Variants in MOGAT1 observed in about 807,000 individuals in gnomAD.
MOGAT1 encodes monoacylglycerol O-acyltransferase 1.
MOGAT1 carries 32 observed loss-of-function variants against 31.4 expected under a neutral mutation model. The ratio of observed to expected loss-of-function variants is 1.02; its 90% CI spans 0.77 to 1.37. MOGAT1 has a LOEUF of 1.37. Among genes scored for constraint, MOGAT1 ranks in the 40% most tolerant of loss-of-function variants. MOGAT1 has a pLI of 0.00. For synonymous variants in MOGAT1, 145 were observed against 144.5 expected (o/e 1.00, Z -0.03); for missense variants, 426 against 402.0 (o/e 1.06, Z -0.51).
At chr2:222,683,978 C>G (rs1010106120) in intron 1 of MOGAT1, among the ~76,000 whole-genome samples, 2 of 152,216 alleles carry the variant, frequency 1.3e-5, no homozygotes, top group Non-Finnish European at 2.9e-5. Context: ...TTGTATCTTC[C>G]TCTTCTCTTT....
At chr2:222,703,786 T>A (rs1222356767) in intron 5 of MOGAT1, among the ~76,000 whole-genome samples, 1 of 152,096 alleles carries the variant, frequency 6.6e-6, no homozygotes, top group African/African-American at 2.4e-5. Context: ...ATTAGAACAA[T>A]CAACTCTACA....
intron 5 of MOGAT1, among the ~76,000 whole-genome samples, chr2:222,704,680 A>C (rs1411719529): frequency 6.6e-6 from 1 of 152,150 alleles, no homozygotes; most frequent in East Asian, 1.9e-4. Context: ...GAACAATTCC[A>C]AGTAGATCTT....
Position 222,694,514 on chromosome 2 carries a change from G to T in MOGAT1, c.631G>T (p.Val211Phe). The T allele has an allele frequency of 6.2e-7, 1 of 1,613,696 alleles. No individual in the cohort carries two copies. The highest frequency in any genetic ancestry group is 8.5e-7 in the Non-Finnish European group (1 of 1,179,750). ...TLFIRQRKGFVKIALTHGASL... is the reference protein window; with the variant it reads ...TLFIRQRKGFFKIALTHGASL... ...GTTCATCCGCCAGCGGAAAGGATTT[G>T]TTAAAATTGCTTTGACCCATGGGTA... Residue 211 changes from valine to phenylalanine, a missense_variant, in exon 4 of 6, where the codon GTT (valine) becomes TTT (phenylalanine). Physicochemically the swap from Val to Phe is conservative, Grantham distance 50. Transcript: ENST00000446656.
intron 1 of MOGAT1, among the ~76,000 whole-genome samples, chr2:222,672,300 T>G (rs1413215465): frequency 6.6e-6 from 1 of 152,192 alleles, no homozygotes; most frequent in African/African-American, 2.4e-5. Context: ...AGTTAAAACC[T>G]TGTTCCTTCT....
At chr2:222,678,913 C>T (rs12477010) in intron 1 of MOGAT1, among the ~76,000 whole-genome samples, 5,897 of 152,070 alleles carry the variant, frequency 0.039, 182 homozygotes, top group African/African-American at 0.08. Flanking sequence ...TGCACTCCAG[C>T]ACCTGGGTGA....
At chr2:222,672,290 A>G (rs1463463803) in intron 1 of MOGAT1, among the ~76,000 whole-genome samples, 1 of 152,156 alleles carries the variant, frequency 6.6e-6, no homozygotes, top group Non-Finnish European at 1.5e-5. Context: ...ATGCCTCAGT[A>G]GTTAAAACCT....
chr2:222,686,875 G>A (rs1216354771), intron 1 of MOGAT1, among the ~76,000 whole-genome samples: 2 of 152,138 alleles, frequency 1.3e-5, no homozygotes, highest in African/African-American at 4.8e-5. Context: ...CACTTTGGGA[G>A]GCTGAGGCGG....
intron 1 of MOGAT1, among the ~76,000 whole-genome samples, chr2:222,687,988 C>T (rs1383625304): frequency 1.3e-5 from 2 of 152,182 alleles, no homozygotes; most frequent in African/African-American, 4.8e-5. Context: ...CTTAACCCTT[C>T]GATAAGCTTC....
In MOGAT1 at chr2:222,681,044, A is replaced by G. The variant is rs1325762614; in HGVS notation, c.95-7300A>G. ...ATGGGAATTGTCTGTGTAAGCACTT[A>G]AGCGCTTTCAAGAAGCCACAGACCT... On this transcript the variant is annotated intron_variant, in intron 1 of 5. Transcript: ENST00000446656. Among the ~76,000 whole-genome samples, 7 of 152,326 alleles carry G rather than the reference A, an allele frequency of 4.6e-5. No individual in the cohort carries two copies. In the East Asian group the frequency reaches 1.3e-3, roughly 29 times the overall value.
chr2:222,702,629 A>G (rs1006619217), intron 5 of MOGAT1, among the ~76,000 whole-genome samples: 1 of 152,058 alleles, frequency 6.6e-6, no homozygotes, highest in Non-Finnish European at 1.5e-5. Flanking sequence ...TTTTTTCAAT[A>G]AAAAAGATAG....
chr2:222,705,054 T>A (rs1692985966), intron 5 of MOGAT1, among the ~76,000 whole-genome samples: 1 of 152,216 alleles, frequency 6.6e-6, no homozygotes, highest in African/African-American at 2.4e-5. Context: ...TTTTTTTGGT[T>A]ATTTCTTGAT....
chr2:222,671,989 C>T (rs1013496369), intron 1 of MOGAT1, 110 bp downstream of exon 1: 85 of 881,006 alleles, frequency 9.6e-5, no homozygotes, highest in Non-Finnish European at 1.4e-4. Flanking sequence ...CCCCTGTCGG[C>T]CAGAGCAGGC....
intron 1 of MOGAT1, among the ~76,000 whole-genome samples, chr2:222,686,742 C>G (rs1444970911): frequency 6.6e-6 from 1 of 152,166 alleles, no homozygotes; most frequent in Non-Finnish European, 1.5e-5. Context: ...TTAACCAACT[C>G]TGGAGAGAGC....
intron 1 of MOGAT1, among the ~76,000 whole-genome samples, chr2:222,677,430 G>A (rs940674480): frequency 2.0e-5 from 3 of 152,026 alleles, no homozygotes; most frequent in Admixed American, 6.6e-5. Flanking sequence ...AAGCTACCAC[G>A]CCTGGCATAT....
chr2:222,684,098 C>T (rs1692625725), intron 1 of MOGAT1, among the ~76,000 whole-genome samples: 1 of 151,974 alleles, frequency 6.6e-6, no homozygotes, highest in South Asian at 2.1e-4. Context: ...TGTTTCAATC[C>T]CGTTTAGAAT....
chr2:222,703,538 G>A (rs1469935652), intron 5 of MOGAT1, among the ~76,000 whole-genome samples: 1 of 152,124 alleles, frequency 6.6e-6, no homozygotes, highest in Non-Finnish European at 1.5e-5. Flanking sequence ...CTCAATGAAT[G>A]TTCATGAGTG....
intron 1 of MOGAT1, among the ~76,000 whole-genome samples, 173 bp downstream of exon 1, chr2:222,672,052 C>G (rs531143325): frequency 6.6e-6 from 1 of 152,352 alleles, no homozygotes; most frequent in Admixed American, 6.5e-5. Context: ...CTCACGAGAA[C>G]CTCATCGCTA....
At chr2:222,708,671 TTCTC>T (rs367788912) in intron 5 of MOGAT1, among the ~76,000 whole-genome samples, 9 of 152,054 alleles carry the variant, frequency 5.9e-5, no homozygotes, top group Admixed American at 4.6e-4. Flanking sequence ...ACTTTTATGT[TTCTC>T]TCTCTTTCCG....
intron 1 of MOGAT1, among the ~76,000 whole-genome samples, chr2:222,679,195 C>T (rs1692544623): frequency 6.6e-6 from 1 of 152,144 alleles, no homozygotes; most frequent in Admixed American, 6.5e-5. Flanking sequence ...ATCAATTGCC[C>T]ATATATGCAT....
Sources: allele counts gnomAD v4.1 joint callset (sites outside exome capture counted in the v4.1 genomes callset), GRCh38; gene constraint gnomAD v4.1.1; transcripts MANE v1.5; gene names NCBI Gene and HGNC (gene_info 2026-07-23, HGNC 2026-07-21).